The following SORCS1 variants were observed in gnomAD, a reference collection of about 807,000 sequenced individuals.
The protein encoded by SORCS1 is sortilin related VPS10 domain containing receptor 1.
In SORCS1, 60 loss-of-function variants were observed where a neutral mutation model predicts 146.1. The ratio of observed to expected loss-of-function variants is 0.41; its 90% confidence interval spans 0.33 to 0.51. The LOEUF (loss-of-function observed/expected upper bound fraction) is 0.51. Among genes scored for constraint, SORCS1 ranks in the 20% least tolerant of loss-of-function variants. The probability of loss-of-function intolerance (pLI) is 0.21; values close to 1 mark genes in which losing one functional copy is unlikely to be tolerated. For missense variants in SORCS1, 1,352 were observed against 1,487.6 expected, an observed-to-expected ratio of 0.91 and a Z score of 1.50; for synonymous variants, 637 against 584.0, an observed-to-expected ratio of 1.09 and a Z score of -1.31.
intron 2 of SORCS1, among the ~76,000 whole-genome samples, chr10:106,876,427 T>C (rs1359196228): frequency 6.6e-6 from 1 of 152,358 alleles, no homozygotes; most frequent in East Asian, 1.9e-4. Context: ...AGTATTTTGT[T>C]CCTCTGATAC....
chr10:106,915,466 C>T (rs927264177), intron 2 of SORCS1, among the ~76,000 whole-genome samples: 2 of 152,122 alleles, frequency 1.3e-5, no homozygotes, highest in Non-Finnish European at 2.9e-5. Flanking sequence ...CCCACTCCTT[C>T]CCCTCCTCAT....
chr10:106,821,700 T>A (rs1589472627), intron 3 of SORCS1, among the ~76,000 whole-genome samples: 1 of 152,056 alleles, frequency 6.6e-6, no homozygotes, highest in African/African-American at 2.4e-5. Flanking sequence ...GGCGGGCGGA[T>A]CCCGAGGTCA....
chr10:106,807,394 T>C (rs559235617), intron 3 of SORCS1, among the ~76,000 whole-genome samples: 1 of 152,218 alleles, frequency 6.6e-6, no homozygotes, highest in African/African-American at 2.4e-5. Flanking sequence ...TTTCATTCAC[T>C]AAGCACTGGG....
At chr10:106,771,474 GAAGTA>G (rs1860017948) in intron 4 of SORCS1, among the ~76,000 whole-genome samples, 1 of 152,192 alleles carries the variant, frequency 6.6e-6, no homozygotes, top group African/African-American at 2.4e-5. Context: ...AGCTAGCAAT[GAAGTA>G]AAGGACTATA....
At chr10:106,992,425 T>C (rs1412399364) in intron 1 of SORCS1, among the ~76,000 whole-genome samples, 1 of 152,166 alleles carries the variant, frequency 6.6e-6, no homozygotes, top group Non-Finnish European at 1.5e-5. Context: ...GGAAAACCTA[T>C]AGGTAGTTCC....
At chr10:106,841,892 C>T (rs2137143230) in intron 2 of SORCS1, among the ~76,000 whole-genome samples, 1 of 152,290 alleles carries the variant, frequency 6.6e-6, no homozygotes, top group East Asian at 1.9e-4. Flanking sequence ...TATAAACATC[C>T]ATGTGCAGAA....
At chr10:106,759,237 C>T (rs994363904) in intron 5 of SORCS1, among the ~76,000 whole-genome samples, 5 of 152,284 alleles carry the variant, frequency 3.3e-5, no homozygotes, top group Admixed American at 2.0e-4. Flanking sequence ...TGATGAGAGG[C>T]AGTGTGATTT....
intron 1 of SORCS1, among the ~76,000 whole-genome samples, chr10:106,971,922 G>C (rs893956099): frequency 6.6e-6 from 1 of 152,144 alleles, no homozygotes. Context: ...ATAGGAGCAA[G>C]GCCAAATAGA....
At chr10:106,837,907 T>G (rs1948850822) in intron 2 of SORCS1, among the ~76,000 whole-genome samples, 1 of 151,932 alleles carries the variant, frequency 6.6e-6, no homozygotes, top group Non-Finnish European at 1.5e-5. Context: ...CCTTCCTAGG[T>G]GCTTTTATTT....
intron 1 of SORCS1, among the ~76,000 whole-genome samples, chr10:107,078,858 G>A (rs1220151170): frequency 1.3e-5 from 2 of 152,334 alleles, no homozygotes; most frequent in Middle Eastern, 3.4e-3. Flanking sequence ...TCTGAGGTCA[G>A]CTGTCACATT....
chr10:106,976,334 T>TTTG (rs1956011126), intron 1 of SORCS1, among the ~76,000 whole-genome samples: 2 of 69,956 alleles, frequency 2.9e-5, no homozygotes, highest in African/African-American at 1.4e-4. Context: ...GGTTTTTTTG[T>TTTG]TTTTTTTTTT....
rs545125598 is a variant in SORCS1 at position 106,796,756 on chromosome 10, T to C, written c.727-20064A>G. ...CCCTGGATCCTAACCAAATTTAATT[T>C]GTCTAATCCATAGTTTAACTAGAGT... On this transcript the variant is annotated intron_variant, in intron 3 of 25. Transcript: ENST00000263054. Among the ~76,000 whole-genome samples the C allele has an allele frequency of 5.3e-5, 8 of 152,314 alleles. No individual in the cohort carries two copies. In the South Asian group the frequency reaches 1.7e-3, roughly 32 times the overall value.
chr10:107,092,402 A>T (rs1379845249), intron 1 of SORCS1, among the ~76,000 whole-genome samples: 1 of 152,236 alleles, frequency 6.6e-6, no homozygotes, highest in Non-Finnish European at 1.5e-5. Context: ...GTATTGAGGG[A>T]TAATATCATC....
intron 1 of SORCS1, among the ~76,000 whole-genome samples, chr10:107,135,410 A>G (rs1967205278): frequency 1.3e-5 from 2 of 152,250 alleles, no homozygotes; most frequent in South Asian, 4.1e-4. Context: ...AGGCAAAAGT[A>G]TCATACACAT....
Position 106,612,014 on chromosome 10 carries a change from C to T in SORCS1, c.2930G>A (p.Arg977Gln), listed in dbSNP as rs760117813. Reference protein sequence around the residue: ...TKTIAVYEEFRSLRLSFSPNL... With the variant: ...TKTIAVYEEFQSLRLSFSPNL... ...TGGAGAAAAGGACAAGCGAAGAGAC[C>T]GGAATTCCTCTGGGGATATAACAGT... The change falls in exon 22 of 26, where the codon CGG (arginine) becomes CAG (glutamine). Residue 977 changes from arginine to glutamine, a missense_variant. Physicochemically the swap from Arg to Gln is conservative, Grantham distance 43. This residue lies in a region of SORCS1 where 648 missense variants were observed against 793.8 expected (regional missense o/e 0.82). Coordinates refer to ENST00000263054, the MANE Select transcript of SORCS1 (RefSeq NM_052918.5). The T allele has an allele frequency of 6.8e-5, 110 of 1,613,522 alleles. 2 individuals are homozygous for T. Among genetic ancestry groups the T allele is most frequent in the South Asian group, 5.3e-4 (48 of 91,062 alleles).
intron 17 of SORCS1, among the ~76,000 whole-genome samples, chr10:106,666,336 C>T (rs149986165): frequency 4.6e-5 from 7 of 152,302 alleles, no homozygotes; most frequent in Admixed American, 3.3e-4. Context: ...TTCCTGCCTT[C>T]GGTCTTGAAC....
intron 1 of SORCS1, among the ~76,000 whole-genome samples, chr10:106,983,753 T>G (rs972369524): frequency 6.6e-6 from 1 of 152,200 alleles, no homozygotes; most frequent in Non-Finnish European, 1.5e-5. Flanking sequence ...TCTCTGTGTC[T>G]GATTTTACTA....
At chr10:106,818,074 T>C (rs1947829282) in intron 3 of SORCS1, among the ~76,000 whole-genome samples, 2 of 152,242 alleles carry the variant, frequency 1.3e-5, no homozygotes, top group Non-Finnish European at 2.9e-5. Flanking sequence ...TATATTCACC[T>C]TTATGCTTGC....
chr10:107,093,709 C>T (rs1964363587), intron 1 of SORCS1, among the ~76,000 whole-genome samples: 1 of 151,078 alleles, frequency 6.6e-6, no homozygotes, highest in African/African-American at 2.4e-5. Flanking sequence ...TCTTTCATGT[C>T]ACTCCCTGTT....
Sources: allele counts gnomAD v4.1 joint callset (sites outside exome capture counted in the v4.1 genomes callset), GRCh38; gene constraint gnomAD v4.1.1; regional missense constraint gnomAD v4.1.1; transcripts MANE v1.5; gene names NCBI Gene and HGNC (gene_info 2026-07-23, HGNC 2026-07-21).